The following ZMAT4 variants were observed in gnomAD, a reference collection of about 807,000 sequenced individuals.
ZMAT4 encodes the protein zinc finger matrin-type protein 4.
Under a neutral mutation model 28.7 loss-of-function variants are expected in ZMAT4, and 17 were observed. The ratio of observed to expected loss-of-function variants is 0.59; its 90% CI spans 0.41 to 0.89. The LOEUF (loss-of-function observed/expected upper bound fraction) is 0.89, where lower values mean the gene tolerates loss of function less well. Among genes scored for constraint, ZMAT4 ranks in the 40% least tolerant of loss-of-function variants. The pLI, the probability that ZMAT4 is intolerant of heterozygous loss-of-function variation, is 0.00. For missense variants in ZMAT4, 240 were observed against 283.8 expected (o/e 0.85, Z 1.11); for synonymous variants, 117 against 109.2 (o/e 1.07, Z -0.44).
intron 6 of ZMAT4, among the ~76,000 whole-genome samples, chr8:40,544,107 T>C (rs1803124195): frequency 1.3e-5 from 2 of 152,096 alleles, no homozygotes; most frequent in East Asian, 3.9e-4. Flanking sequence ...ATTTTCAACC[T>C]CACAACTCTG....
At chr8:40,737,216 A>AT (rs1006709376) in intron 3 of ZMAT4, among the ~76,000 whole-genome samples, 56 of 148,562 alleles carry the variant, frequency 3.8e-4, no homozygotes, top group African/African-American at 6.4e-4. Flanking sequence ...TTTTTTTGCG[A>AT]TTTTTTTTTT....
At chr8:40,766,571 A>C in intron 3 of ZMAT4, among the ~76,000 whole-genome samples, 1 of 152,320 alleles carries the variant, frequency 6.6e-6, no homozygotes, top group South Asian at 2.1e-4. Flanking sequence ...TTTTGCTTCC[A>C]ATAAGCTCTA....
intron 2 of ZMAT4, among the ~76,000 whole-genome samples, chr8:40,810,231 G>A (rs978386140): frequency 6.6e-6 from 1 of 151,946 alleles, no homozygotes; most frequent in African/African-American, 2.4e-5. Context: ...ATGGATTTGC[G>A]GACTTCTTCA....
At chr8:40,786,343 C>T (rs1176871288) in intron 2 of ZMAT4, among the ~76,000 whole-genome samples, 1 of 151,922 alleles carries the variant, frequency 6.6e-6, no homozygotes, top group Non-Finnish European at 1.5e-5. Context: ...CTAGATTAAA[C>T]CAATTCTACC....
At chr8:40,557,316 T>C (rs1803575655) in intron 6 of ZMAT4, among the ~76,000 whole-genome samples, 1 of 152,148 alleles carries the variant, frequency 6.6e-6, no homozygotes, top group Non-Finnish European at 1.5e-5. Context: ...TAATAGTTAA[T>C]TTAAAATACC....
intron 3 of ZMAT4, among the ~76,000 whole-genome samples, chr8:40,721,716 T>G (rs939512163): frequency 6.6e-6 from 1 of 152,004 alleles, no homozygotes; most frequent in Non-Finnish European, 1.5e-5. Flanking sequence ...GATTTGCATT[T>G]CCCTGATGGC....
chr8:40,797,586 T>C (rs1814651742), intron 2 of ZMAT4, among the ~76,000 whole-genome samples: 1 of 152,184 alleles, frequency 6.6e-6, no homozygotes, highest in Non-Finnish European at 1.5e-5. Context: ...GCCCAGATAT[T>C]GTAGCTGTGC....
chr8:40,773,107 TC>T (rs1813449114), intron 2 of ZMAT4, among the ~76,000 whole-genome samples: 1 of 152,198 alleles, frequency 6.6e-6, no homozygotes, highest in South Asian at 2.1e-4. Flanking sequence ...TGCTGGGGAT[TC>T]CCTCTAACGA....
At chr8:40,796,003 T>C (rs1398959248) in intron 2 of ZMAT4, among the ~76,000 whole-genome samples, 1 of 152,222 alleles carries the variant, frequency 6.6e-6, no homozygotes, top group Admixed American at 6.5e-5. Context: ...GAGTCTTCAA[T>C]AGCAACTCTG....
intron 5 of ZMAT4, among the ~76,000 whole-genome samples, chr8:40,647,163 C>G (rs565611338): frequency 6.6e-6 from 1 of 152,282 alleles, no homozygotes; most frequent in South Asian, 2.1e-4. Context: ...ATCCGAGGTA[C>G]CAGGTTCATC....
chr8:40,752,100 T>C (rs1433734666), intron 3 of ZMAT4, among the ~76,000 whole-genome samples: 1 of 152,164 alleles, frequency 6.6e-6, no homozygotes, highest in Non-Finnish European at 1.5e-5. Flanking sequence ...GTCCTCCTAC[T>C]GGAAGCACAT....
At chr8:40,600,653 C>T (rs757415451) in intron 5 of ZMAT4, among the ~76,000 whole-genome samples, 7 of 152,188 alleles carry the variant, frequency 4.6e-5, no homozygotes, top group Non-Finnish European at 8.8e-5. Context: ...TGTCACAGTC[C>T]TAATAACAGG....
At position 40,667,851 on chromosome 8, in the gene ZMAT4, AC is replaced by A. The variant is rs1363015531; in HGVS notation, c.577+6852del. On this transcript the variant is annotated intron_variant, in intron 5 of 6. Coordinates refer to ENST00000297737, the MANE Select transcript of ZMAT4 (RefSeq NM_024645.3). ...CCATTATTTAAAAAAAAAAAAAACA[AC>A]AAAAAAAAAAACCAAGAAAAAGAAA... Among the ~76,000 whole-genome samples, 685 of 137,258 alleles carry A rather than the reference AC, an allele frequency of 5.0e-3. 3 individuals are homozygous for A. Among genetic ancestry groups the A allele is most frequent in the African/African-American group, 0.017 (641 of 38,116 alleles). 90.0% of individuals were successfully genotyped at this position (137,258 alleles called of 152,430 possible). A position where few individuals can be genotyped will look rare whatever the true frequency, so the allele number is the denominator to read the frequency against.
intron 1 of ZMAT4, among the ~76,000 whole-genome samples, chr8:40,887,034 G>A (rs1015717071): frequency 2.0e-5 from 3 of 151,770 alleles, no homozygotes; most frequent in Non-Finnish European, 4.4e-5. Flanking sequence ...AACCTGGCGT[G>A]GTGGCGGGCG....
chr8:40,589,731 C>CCTTTTTCTTT (rs1554523987), intron 5 of ZMAT4, among the ~76,000 whole-genome samples: 1 of 139,274 alleles, frequency 7.2e-6, no homozygotes, highest in Non-Finnish European at 1.6e-5. Context: ...TTCTTCCTTT[C>CCTTTTTCTTT]CTTTCTTTCT....
At chr8:40,852,954 CA>C (rs887518316) in intron 1 of ZMAT4, among the ~76,000 whole-genome samples, 2 of 149,446 alleles carry the variant, frequency 1.3e-5, no homozygotes, top group African/African-American at 2.5e-5. Context: ...TTATCACGGG[CA>C]AAAAAAAATG....
Position 40,703,756 on chromosome 8 carries a change from A to T in ZMAT4, c.193-6355T>A, listed in dbSNP as rs556844644. Among the ~76,000 whole-genome samples, 24 of 152,330 alleles carry T rather than the reference A, an allele frequency of 1.6e-4. 2 individuals are homozygous for T. The South Asian group carries it at 5.0e-3, about 32-fold the overall frequency. On this transcript the variant is annotated intron_variant, in intron 3 of 6. Coordinates refer to ENST00000297737, the MANE Select transcript of ZMAT4 (RefSeq NM_024645.3). ...TTTGTGACATATGAATTGTATCTCAATATTCTGTTCTAGAGGAAAAGTCTA... is the reference window on the plus strand; with the variant it reads ...TTTGTGACATATGAATTGTATCTCATTATTCTGTTCTAGAGGAAAAGTCTA...
intron 1 of ZMAT4, among the ~76,000 whole-genome samples, chr8:40,880,172 A>G (rs984557655): frequency 2.0e-5 from 3 of 152,192 alleles, no homozygotes; most frequent in African/African-American, 7.2e-5. Context: ...GTTCAAGACC[A>G]GCCTGGCCCA....
At chr8:40,563,306 C>T (rs1803807328) in intron 6 of ZMAT4, among the ~76,000 whole-genome samples, 1 of 152,118 alleles carries the variant, frequency 6.6e-6, no homozygotes, top group Admixed American at 6.5e-5. Context: ...AATATATTAG[C>T]ATTTAAATGT....
Sources: allele counts gnomAD v4.1 joint callset (sites outside exome capture counted in the v4.1 genomes callset), GRCh38; gene constraint gnomAD v4.1.1; transcripts MANE v1.5; gene names NCBI Gene and HGNC (gene_info 2026-07-23, HGNC 2026-07-21).